Variants in IQGAP2 observed in about 807,000 individuals in gnomAD.
The protein encoded by IQGAP2 is ras GTPase-activating-like protein IQGAP2.
Under a neutral mutation model 201.3 loss-of-function variants are expected in IQGAP2, and 173 were observed. That is an observed-to-expected ratio of 0.86 (90% CI 0.76 to 0.98). The LOEUF is 0.98. IQGAP2 is among the 50% of genes least tolerant of loss of function. The pLI, the probability that IQGAP2 is intolerant of heterozygous loss-of-function variation, is 0.00. For missense variants in IQGAP2, 1,687 were observed against 1,864.8 expected (o/e 0.90, Z 1.76); for synonymous variants, 675 against 673.9 (o/e 1.00, Z -0.03).
intron 1 of IQGAP2, among the ~76,000 whole-genome samples, chr5:76,423,535 C>A (rs59428516): frequency 0.38 from 57,736 of 152,116 alleles, 12,928 homozygotes; most frequent in East Asian, 0.52. Context: ...GCAGGAGAAT[C>A]GCTTGAACCT....
chr5:76,627,305 A>C, intron 13 of IQGAP2, 105 bp from the exon 14 acceptor site: 3 of 823,976 alleles, frequency 3.6e-6, no homozygotes, highest in Non-Finnish European at 6.3e-6. Context: ...TTGCTGATTA[A>C]GAATTTGTGG....
At chr5:76,542,780 A>T (rs142329272) in intron 2 of IQGAP2, among the ~76,000 whole-genome samples, 20 of 152,304 alleles carry the variant, frequency 1.3e-4, no homozygotes, top group African/African-American at 4.6e-4. Flanking sequence ...CATCAGGTAG[A>T]TACACCCTTT....
At chr5:76,434,498 T>C (rs907178087) in intron 1 of IQGAP2, among the ~76,000 whole-genome samples, 6 of 152,184 alleles carry the variant, frequency 3.9e-5, no homozygotes, top group African/African-American at 1.4e-4. Flanking sequence ...TCCAGCTCCA[T>C]CCAAGTTGCT....
chr5:76,514,626 G>T (rs985502591), intron 2 of IQGAP2, among the ~76,000 whole-genome samples: 2 of 152,202 alleles, frequency 1.3e-5, no homozygotes, highest in South Asian at 4.1e-4. Context: ...CACGTGGTCT[G>T]TCCTCTCTGA....
At chr5:76,682,124 A>C (rs1444333987) in intron 28 of IQGAP2, among the ~76,000 whole-genome samples, 1 of 152,204 alleles carries the variant, frequency 6.6e-6, no homozygotes, top group Admixed American at 6.5e-5. Context: ...ACTGTTCTAC[A>C]GTCAGAGAGT....
chr5:76,572,133 T>A (rs1745155921), intron 4 of IQGAP2, among the ~76,000 whole-genome samples: 1 of 152,192 alleles, frequency 6.6e-6, no homozygotes, highest in African/African-American at 2.4e-5. Context: ...TTGAGTCACA[T>A]CGTTTCCACT....
At chr5:76,443,384 G>T (rs1395373820) in intron 1 of IQGAP2, among the ~76,000 whole-genome samples, 1 of 151,988 alleles carries the variant, frequency 6.6e-6, no homozygotes, top group African/African-American at 2.4e-5. Context: ...TACTTGGGAG[G>T]ATGAGACGGG....
At chr5:76,410,440 C>T (rs982238377) in intron 1 of IQGAP2, among the ~76,000 whole-genome samples, 4 of 152,198 alleles carry the variant, frequency 2.6e-5, no homozygotes, top group African/African-American at 9.6e-5. Flanking sequence ...TCATTAGAGA[C>T]ATGGGTGAGT....
At chr5:76,691,840 A>G (rs1226521518) in intron 30 of IQGAP2, 3 of 152,226 alleles carry the variant, frequency 2.0e-5, no homozygotes, top group Non-Finnish European at 2.9e-5. Flanking sequence ...TTTCAAAAGT[A>G]ATATATTTGT....
intron 13 of IQGAP2, among the ~76,000 whole-genome samples, chr5:76,622,271 C>G (rs114137579): frequency 1.4e-3 from 220 of 152,296 alleles, no homozygotes; most frequent in African/African-American, 4.8e-3. Context: ...ATTGGCCCAT[C>G]TACTCCCAGA....
intron 2 of IQGAP2, among the ~76,000 whole-genome samples, chr5:76,494,602 A>AT (rs1756764419): frequency 6.6e-6 from 1 of 152,254 alleles, no homozygotes; most frequent in Non-Finnish European, 1.5e-5. Context: ...ATAGAATACA[A>AT]GATGGAAAAG....
intron 25 of IQGAP2, 116 bp from the exon 26 acceptor site, chr5:76,673,834 TTA>T: frequency 1.4e-6 from 1 of 720,390 alleles, no homozygotes; most frequent in Non-Finnish European, 2.4e-6. Flanking sequence ...CCATCTCATC[TTA>T]TGTTTAATTT....
intron 2 of IQGAP2, among the ~76,000 whole-genome samples, chr5:76,466,479 A>G (rs957237340): frequency 6.6e-6 from 1 of 152,244 alleles, no homozygotes; most frequent in Non-Finnish European, 1.5e-5. Flanking sequence ...TTGAGACAGT[A>G]TGGTACTGGC....
At chr5:76,522,160 C>G (rs997381178) in intron 2 of IQGAP2, among the ~76,000 whole-genome samples, 1 of 150,764 alleles carries the variant, frequency 6.6e-6, no homozygotes, top group Non-Finnish European at 1.5e-5. Context: ...TTTATGTAAC[C>G]AGGAGGGAGC....
chr5:76,682,120 C>T (rs1745359698), intron 28 of IQGAP2, among the ~76,000 whole-genome samples: 1 of 152,098 alleles, frequency 6.6e-6, no homozygotes, highest in African/African-American at 2.4e-5. Flanking sequence ...TGAAACTGTT[C>T]TACAGTCAGA....
chr5:76,661,121 A>C (rs1334453646), intron 21 of IQGAP2, among the ~76,000 whole-genome samples: 1 of 152,220 alleles, frequency 6.6e-6, no homozygotes, highest in Non-Finnish European at 1.5e-5. Flanking sequence ...TTTATTTTTA[A>C]CAATGAGTGT....
intron 12 of IQGAP2, chr5:76,609,017 CA>C: frequency 7.5e-7 from 1 of 1,337,894 alleles, no homozygotes. Flanking sequence ...TATTTATAAA[CA>C]GAGGAAGTGA....
intron 13 of IQGAP2, chr5:76,623,295 A>G: frequency 1.3e-6 from 2 of 1,575,156 alleles, no homozygotes; most frequent in South Asian, 2.2e-5. Context: ...GCACAATTTC[A>G]CCTCAGTTCC....
At chr5:76,692,764 A>G (rs1406369700) in intron 30 of IQGAP2, among the ~76,000 whole-genome samples, 21 of 152,192 alleles carry the variant, frequency 1.4e-4, no homozygotes, top group African/African-American at 5.1e-4. Context: ...TTAGTTGCTC[A>G]GGCCCTTGAA....
Sources: gnomAD v4.1 joint callset for allele counts (sites outside exome capture counted in the v4.1 genomes callset) on GRCh38, gnomAD v4.1.1 for gene constraint, MANE v1.5 for transcripts, NCBI Gene and HGNC (gene_info 2026-07-23, HGNC 2026-07-21) for gene names.